PRPF40B: variants seen among roughly 807,000 people sequenced by gnomAD.
PRPF40B encodes the protein pre-mRNA-processing factor 40 homolog B.
Under a neutral mutation model 124.5 loss-of-function variants are expected in PRPF40B, and 56 were observed. The observed-to-expected ratio is 0.45, with a 90% confidence interval of 0.36 to 0.56. The LOEUF is 0.56. Ranked by LOEUF, PRPF40B falls within the 20% of genes least tolerant of loss-of-function variation. PRPF40B has a pLI of 0.00. For missense variants in PRPF40B, 1,053 were observed against 1,169.5 expected, an observed-to-expected ratio of 0.90 and a Z score of 1.45; for synonymous variants, 443 against 426.4, an observed-to-expected ratio of 1.04 and a Z score of -0.48.
rs370550516 is a variant in PRPF40B, at chr12:49,635,839, C to G, written c.1276-4C>G. The G allele has an allele frequency of 3.1e-6, 5 of 1,613,518 alleles. No homozygotes were observed. The African/African-American group carries it at 6.7e-5, about 22-fold the overall frequency. ...TGCCTCACCCTGATCCTGTGGCTCCCTAGGAACAGGCCAAGCAGCTCCGGC... is the reference window on the plus strand; with the variant it reads ...TGCCTCACCCTGATCCTGTGGCTCCGTAGGAACAGGCCAAGCAGCTCCGGC... On this transcript the variant is annotated splice_region_variant and splice_polypyrimidine_tract_variant and intron_variant, in intron 14 of 25. Transcript: ENST00000548825. The surrounding 1 kb of genome is among the most constrained non-coding windows in gnomAD (Gnocchi z 4.1).
intron 1 of PRPF40B, among the ~76,000 whole-genome samples, chr12:49,627,338 A>G (rs552950957): frequency 6.6e-6 from 1 of 152,366 alleles, no homozygotes; most frequent in South Asian, 2.1e-4. Context: ...ACAAATAACT[A>G]TAAAATTCTA....
chr12:49,637,117 A>C, intron 16 of PRPF40B: 2 of 589,868 alleles, frequency 3.4e-6, no homozygotes, highest in Non-Finnish European at 5.9e-6. Flanking sequence ...CAGCTAGGCC[A>C]TGTTTATTTC....
chr12:49,636,443 G>C, intron 15 of PRPF40B: 1 of 481,146 alleles, frequency 2.1e-6, no homozygotes, highest in Non-Finnish European at 3.7e-6. Context: ...TGAAACCTCA[G>C]ATCCCAAGAC....
rs1461985151 is a variant in PRPF40B, at chr12:49,631,227, T to C, written c.85-174T>C. ...CCCAGTTGTCAGTCTTTCTCAGTGG[T>C]GAGGAGGGAGGCAGTTTCATGCCTT... is the stretch of plus-strand genomic sequence containing the variant. On this transcript the variant is annotated intron_variant, in intron 2 of 25. Coordinates refer to ENST00000548825, the MANE Select transcript of PRPF40B (RefSeq NM_001031698.3). This position sits in a 1 kb window ranked among gnomAD's most constrained non-coding sequence, Gnocchi z 4.3. 2.0e-5 allele frequency among the ~76,000 whole-genome samples: 3 copies of C among 152,106 alleles called. No homozygotes were observed. Among genetic ancestry groups the C allele is most frequent in the Non-Finnish European group, 4.4e-5 (3 of 68,002 alleles).
rs1940405798 is a variant in PRPF40B, at chr12:49,623,653, C to T, written c.3+60C>T. The T allele has an allele frequency of 4.9e-6, 6 of 1,226,812 alleles. No homozygotes were observed. The East Asian group carries it at 1.6e-4, about 33-fold the overall frequency. The allele number at this position is 1,226,812 out of a possible 1,614,324, so 76.0% of individuals were successfully genotyped here. On this transcript the variant is annotated intron_variant, in intron 1 of 25. Transcript: ENST00000548825. Reference sequence around the variant, plus strand: ...GCGGTCCCACAGCGCCCCCTGCGGCCCGGGCCGTGGCCGATGGGGCGGGGA... The same window carrying T: ...GCGGTCCCACAGCGCCCCCTGCGGCTCGGGCCGTGGCCGATGGGGCGGGGA...
chr12:49,638,241 T>G, intron 18 of PRPF40B: 1 of 177,746 alleles, frequency 5.6e-6, no homozygotes, highest in Non-Finnish European at 1.2e-5. Flanking sequence ...CAGATTGTTC[T>G]TTCTGGCCTG....
intron 25 of PRPF40B, 41 bp from the exon 26 acceptor site, chr12:49,644,059 T>C: frequency 6.2e-7 from 1 of 1,614,144 alleles, no homozygotes; most frequent in Non-Finnish European, 8.5e-7. Context: ...TCCACGGCCC[T>C]TAGTGCAGGC....
At position 49,628,577 on chromosome 12, in the gene PRPF40B, T is replaced by C. The variant is rs1313592895; in HGVS notation, c.4-1968T>C. On this transcript the variant is annotated intron_variant, in intron 1 of 25. Transcript: ENST00000548825. ...GCCAGGAACAGTTTTTTTTTTTTTT[T>C]TTTGGAGACGAAATCTCGCTCTGTC... 2.7e-5 allele frequency among the ~76,000 whole-genome samples: 4 copies of C among 148,026 alleles called. No individual in the cohort carries two copies. In the East Asian group the frequency reaches 8.1e-4, roughly 30 times the overall value.
rs746285922 is a variant in PRPF40B, at chr12:49,644,183, T to C, written c.2670T>C (p.Asp890=). The C allele has an allele frequency of 4.3e-5, 69 of 1,613,946 alleles. No homozygotes were observed. Among genetic ancestry groups the C allele is most frequent in the Non-Finnish European group, 5.3e-5 (62 of 1,180,024 alleles). The change falls in exon 26 of 26, where the codon GAT becomes GAC. Residue 890 remains aspartate, a synonymous_variant. Transcript: ENST00000548825. ...GGACACTCCTACAGCAGCTGGATGA[T>C]CACCAGTGACCCAATGAGCTGTTCT... ...RRRTLLQQLD[D]HQ
Position 49,642,547 on chromosome 12 carries a change from C to G in PRPF40B, c.2023-33C>G. 1.2e-6 allele frequency: 2 copies of G among 1,611,646 alleles called. No homozygotes were observed. Among genetic ancestry groups the G allele is most frequent in the South Asian group, 1.1e-5 (1 of 90,924 alleles). ...GTGTCCAGGCCAGGCTGAGTGGGGC[C>G]TAGTCTGATCAGCAGTGCTCTCCTC... On this transcript the variant is annotated intron_variant, in intron 20 of 25. Coordinates refer to ENST00000548825, the MANE Select transcript of PRPF40B (RefSeq NM_001031698.3). The surrounding 1 kb of genome is among the most constrained non-coding windows in gnomAD (Gnocchi z 5.8).
At position 49,644,181 on chromosome 12, in the gene PRPF40B, G is replaced by A. The variant is rs1419715707; in HGVS notation, c.2668G>A (p.Asp890Asn). The A allele has an allele frequency of 6.2e-7, 1 of 1,614,082 alleles. No individual in the cohort carries two copies. Among genetic ancestry groups the A allele is most frequent in the Non-Finnish European group, 8.5e-7 (1 of 1,180,034 alleles). Reference sequence around the variant, plus strand: ...GCGGACACTCCTACAGCAGCTGGATGATCACCAGTGACCCAATGAGCTGTT... The same window carrying A: ...GCGGACACTCCTACAGCAGCTGGATAATCACCAGTGACCCAATGAGCTGTT... Reference protein sequence around the residue: ...RRRTLLQQLDDHQ With the variant: ...RRRTLLQQLDNHQ The change falls in exon 26 of 26, where the codon GAT becomes AAT. Residue 890 changes from aspartate to asparagine, a missense_variant. By Grantham distance (23) the Asp-to-Asn change is conservative. This residue lies in a region of PRPF40B where 895 missense variants were observed against 1,052.2 expected (regional missense o/e 0.85). Coordinates refer to ENST00000548825, the MANE Select transcript of PRPF40B (RefSeq NM_001031698.3).
rs773573283 is a variant in PRPF40B at position 49,636,780 on chromosome 12, G to T, written c.1491G>T (p.Glu497Asp). 42 of 1,614,246 alleles carry T rather than the reference G, an allele frequency of 2.6e-5. No individual in the cohort carries two copies. Among genetic ancestry groups the T allele is most frequent in the Non-Finnish European group, 3.6e-5 (42 of 1,180,034 alleles). ...EEHIRALERE[E>D]EEERERARLR... ...ACATCCGAGCTTTGGAGAGGGAAGA[G>T]GAGGAGGAACGGGAGCGGGCCCGGC... The change falls in exon 16 of 26, where the codon GAG becomes GAT. Residue 497 changes from glutamate (E) to aspartate (D), a missense_variant. Physicochemically the swap from Glu to Asp is conservative, Grantham distance 45 (BLOSUM62 2). Transcript: ENST00000548825.
rs1386044622 is a variant in PRPF40B at position 49,631,524 on chromosome 12, G to A, written c.208G>A (p.Ala70Thr). 4 of 1,549,136 alleles carry A rather than the reference G, an allele frequency of 2.6e-6. No homozygotes were observed. The highest frequency in any genetic ancestry group is 2.6e-6 in the Non-Finnish European group (3 of 1,155,286). The change falls in exon 3 of 26, where the codon GCG becomes ACG. Residue 70 changes from alanine to threonine, a missense_variant. Coordinates refer to ENST00000548825, the MANE Select transcript of PRPF40B (RefSeq NM_001031698.3). The surrounding 1 kb of genome is among the most constrained non-coding windows in gnomAD (Gnocchi z 4.3). ...ILPPMLPPMGAPPPLTQIPGM... is the reference protein window; with the variant it reads ...ILPPMLPPMGTPPPLTQIPGM... ...GCCCCCAATGCTTCCACCAATGGGGGCGCCACCACCACTCACACAGGTAAT... is the reference window on the plus strand; with the variant it reads ...GCCCCCAATGCTTCCACCAATGGGGACGCCACCACCACTCACACAGGTAAT...
chr12:49,633,315 A>T, intron 7 of PRPF40B, 112 bp from the exon 8 acceptor site: 1 of 1,467,884 alleles, frequency 6.8e-7, no homozygotes, highest in Non-Finnish European at 9.3e-7. Context: ...GAACCAGGCC[A>T]GGTGGTAGCT....
chr12:49,632,823 G>A, intron 5 of PRPF40B, 32 bp from the exon 6 acceptor site: 1 of 1,613,988 alleles, frequency 6.2e-7, no homozygotes, highest in South Asian at 1.1e-5. Context: ...TCGGAGCAAG[G>A]ACTTAGTATG....
chr12:49,629,896 A>C (rs577053356), intron 1 of PRPF40B, among the ~76,000 whole-genome samples: 10 of 152,320 alleles, frequency 6.6e-5, no homozygotes, highest in African/African-American at 2.4e-4. Context: ...AGAGGAGGGG[A>C]TGGACACCAA....
Position 49,636,773 on chromosome 12 carries a change from G to C in PRPF40B, c.1484G>C (p.Arg495Thr), listed in dbSNP as rs1941867228. 1.9e-6 allele frequency: 3 copies of C among 1,614,144 alleles called. No individual in the cohort carries two copies. Among genetic ancestry groups the C allele is most frequent in the Non-Finnish European group, 2.5e-6 (3 of 1,180,058 alleles). ...GAGGAGCACATCCGAGCTTTGGAGA[G>C]GGAAGAGGAGGAGGAACGGGAGCGG... is the stretch of plus-strand genomic sequence containing the variant. Reference protein sequence around the residue: ...CFEEHIRALEREEEEERERAR... With the variant: ...CFEEHIRALETEEEEERERAR... The change falls in exon 16 of 26, where the codon AGG becomes ACG. Residue 495 changes from arginine to threonine, a missense_variant. Arg to Thr is a moderately conservative substitution (Grantham distance 71, BLOSUM62 -1). This residue lies in a region of PRPF40B where 895 missense variants were observed against 1,052.2 expected (regional missense o/e 0.85). Coordinates refer to ENST00000548825, the MANE Select transcript of PRPF40B (RefSeq NM_001031698.3).
intron 1 of PRPF40B, among the ~76,000 whole-genome samples, chr12:49,628,899 C>T (rs553990583): frequency 2.0e-5 from 3 of 152,246 alleles, no homozygotes; most frequent in South Asian, 4.2e-4. Flanking sequence ...ACATGAAGGG[C>T]GTTTTTAAAT....
chr12:49,637,167 G>A (rs942291441), intron 16 of PRPF40B: 3 of 573,104 alleles, frequency 5.2e-6, no homozygotes, highest in African/African-American at 1.9e-5. Context: ...TATTCCCTCA[G>A]CTTGGGGGTG....
Sources: allele counts gnomAD v4.1 joint callset (sites outside exome capture counted in the v4.1 genomes callset), GRCh38; gene constraint gnomAD v4.1.1; regional missense constraint gnomAD v4.1.1; non-coding constraint Gnocchi (gnomAD v3.1); transcripts MANE v1.5; gene names NCBI Gene and HGNC (gene_info 2026-07-23, HGNC 2026-07-21).